The following SH3D21 variants were observed in gnomAD, a reference collection of about 807,000 sequenced individuals.
SH3D21 encodes the protein manchette microtubule inner protein 1.
SH3D21 carries 83 observed loss-of-function variants against 82.1 expected under a neutral mutation model. The ratio of observed to expected loss-of-function variants is 1.01; its 90% CI spans 0.85 to 1.21. SH3D21 has a LOEUF of 1.21. SH3D21 is among the 50% of genes most tolerant of loss of function. The pLI is 0.00. For synonymous variants in SH3D21, 383 were observed against 387.8 expected (o/e 0.99, Z 0.15); for missense variants, 980 against 962.1 (o/e 1.02, Z -0.25).
chr1:36,308,031 C>T, intron 7 of SH3D21, 68 bp downstream of exon 7: 1 of 1,550,060 alleles, frequency 6.5e-7, no homozygotes, highest in South Asian at 1.2e-5. Flanking sequence ...GGTGGGCCAG[C>T]TAGGCTGATG....
At chr1:36,316,629 A>G (rs1020846206) in intron 10 of SH3D21, among the ~76,000 whole-genome samples, 1 of 152,192 alleles carries the variant, frequency 6.6e-6, no homozygotes, top group Non-Finnish European at 1.5e-5. Flanking sequence ...GCTGTGTGGT[A>G]CTGAGCTTGG....
Position 36,306,926 on chromosome 1 carries a change from G to A in SH3D21, c.226+21G>A, listed in dbSNP as rs1344318563. The A allele has an allele frequency of 1.5e-6, 2 of 1,319,100 alleles. No individual in the cohort carries two copies. Among genetic ancestry groups the A allele is most frequent in the Admixed American group, 2.7e-5 (1 of 36,384 alleles). The allele number at this position is 1,319,100 out of a possible 1,614,324, so 81.7% of individuals were successfully genotyped here. On this transcript the variant is annotated intron_variant, in intron 3 of 15. Coordinates refer to ENST00000453908, the MANE Select transcript of SH3D21 (RefSeq NM_001162530.2). The surrounding 1 kb of genome is among the most constrained non-coding windows in gnomAD (Gnocchi z 4.5). ...CCGAGGTGAGCGCAAGGGCGGGGAC[G>A]GGCGCCGGTGGGCGGGTGCACGGAG...
At position 36,319,331 on chromosome 1, in the gene SH3D21, C is replaced by T; in HGVS notation, c.916+19C>T. 6.4e-7 allele frequency: 1 copy of T among 1,551,622 alleles called. No individual in the cohort carries two copies. Among genetic ancestry groups the T allele is most frequent in the Non-Finnish European group, 8.7e-7 (1 of 1,146,944 alleles). ...GACTCAGGCAAGGGCTGCCTTCCTC[C>T]AGTGCGGGGAGGACTGGAGGACAGG... On this transcript the variant is annotated intron_variant, in intron 12 of 15. Transcript: ENST00000453908.
Position 36,306,614 on chromosome 1 carries a change from C to T in SH3D21, c.21C>T (p.Ala7=), listed in dbSNP as rs768437348. The T allele has an allele frequency of 1.7e-5, 22 of 1,302,604 alleles. No homozygotes were observed. In the African/African-American group the frequency reaches 2.7e-4, roughly 16 times the overall value. The allele number at this position is 1,302,604 out of a possible 1,614,324, so 80.7% of individuals were successfully genotyped here. Reference sequence around the variant, plus strand: ...CGCCCGCAGAAGTCCTCGTCCTGGCCGGATACCGCGCGCAGAAGGAGGACG... The same window carrying T: ...CGCCCGCAGAAGTCCTCGTCCTGGCTGGATACCGCGCGCAGAAGGAGGACG... The part of the protein sequence containing the change: MEVLVL[A]GYRAQKEDEL... The change falls in exon 2 of 16, where the codon GCC becomes GCT. Residue 7 remains alanine (A), a synonymous_variant. Coordinates refer to ENST00000453908, the MANE Select transcript of SH3D21 (RefSeq NM_001162530.2). The surrounding 1 kb of genome is among the most constrained non-coding windows in gnomAD (Gnocchi z 4.5).
At chr1:36,311,797 G>A (rs1046952139) in intron 10 of SH3D21, among the ~76,000 whole-genome samples, 3 of 151,800 alleles carry the variant, frequency 2.0e-5, no homozygotes, top group Non-Finnish European at 4.4e-5. Context: ...GGGCTTAAGC[G>A]ATTCTTTCAC....
At chr1:36,317,965 G>A (rs1231633261) in intron 10 of SH3D21, among the ~76,000 whole-genome samples, 3 of 152,202 alleles carry the variant, frequency 2.0e-5, no homozygotes, top group African/African-American at 7.2e-5. Flanking sequence ...CACAAGTTCA[G>A]TCTGGCTGCT....
At position 36,320,975 on chromosome 1, in the gene SH3D21, G is replaced by A. The variant is rs1275176258; in HGVS notation, c.2196G>A (p.Leu732=). 6.4e-7 allele frequency: 1 copy of A among 1,572,754 alleles called. No individual in the cohort carries two copies. Among genetic ancestry groups the A allele is most frequent in the Non-Finnish European group, 8.6e-7 (1 of 1,159,304 alleles). Residue 732 remains leucine, a synonymous_variant, in exon 15 of 16, where the codon CTG becomes CTA. Transcript: ENST00000453908. ...GCGAGAAGGAGCAGCGCCGGCGGCT[G>A]GAGGTGAGGCGCGGGTCCCGGCGGG... ...LKSEKEQRRR[L]EVQVMQGTQK... is the part of the protein sequence containing the mutation.
In SH3D21 at chr1:36,306,882, G is replaced by A; in HGVS notation, c.203G>A (p.Arg68Lys). The change falls in exon 3 of 16, where the codon AGG becomes AAG. Residue 68 changes from arginine to lysine, a missense_variant. Arg to Lys is a conservative substitution (Grantham distance 26, BLOSUM62 2). Transcript: ENST00000453908. This position sits in a 1 kb window ranked among gnomAD's most constrained non-coding sequence, Gnocchi z 4.5. Reference sequence around the variant, plus strand: ...CTGCGGGGCTCCGGAGAGGCGCGGAGGCCGCGCTGTGCGCGCCGCCGAGGT... The same window carrying A: ...CTGCGGGGCTCCGGAGAGGCGCGGAAGCCGCGCTGTGCGCGCCGCCGAGGT... ...ETLRGSGEAR[R>K]PRCARRRGHP... The A allele has an allele frequency of 1.5e-6, 2 of 1,305,754 alleles. No individual in the cohort carries two copies. 80.9% of individuals were successfully genotyped at this position (1,305,754 alleles called of 1,614,324 possible). A position where few individuals can be genotyped will look rare whatever the true frequency, so the allele number is the denominator to read the frequency against.
chr1:36,310,647 C>A lies in SH3D21; in HGVS notation c.769+1057C>A, dbSNP rs59186823. Among the ~76,000 whole-genome samples the A allele has an allele frequency of 9.3e-3, 1,411 of 151,946 alleles. 25 individuals are homozygous for A. Among genetic ancestry groups the A allele is most frequent in the African/African-American group, 0.032 (1,324 of 41,450 alleles). On this transcript the variant is annotated intron_variant, in intron 10 of 15. Coordinates refer to ENST00000453908, the MANE Select transcript of SH3D21 (RefSeq NM_001162530.2). ...AAAAAAATTAACACCCACGAACACC[C>A]ATGGTATGTCACCTAAACCTAAGGA...
At chr1:36,313,967 A>ATTTTTTTTTTTTTT (rs1207014644) in intron 10 of SH3D21, among the ~76,000 whole-genome samples, 26 of 36,930 alleles carry the variant, frequency 7.0e-4, no homozygotes, top group South Asian at 1.4e-3. Context: ...TGCTGAACAT[A>ATTTTTTTTTTTTTT]TTTTCTTTTT....
chr1:36,321,817 TG>T, downstream of SH3D21: 1 of 1,009,982 alleles, frequency 9.9e-7, no homozygotes, highest in South Asian at 4.3e-5. The surrounding 1 kb of genome is among the most constrained non-coding windows in gnomAD (Gnocchi z 6.1). Context: ...CGCGCGCGCT[TG>T]CTCTGTGTGT....
chr1:36,313,972 C>CTTTTTTTTTTTTTGTTTTTTTTT, intron 10 of SH3D21, among the ~76,000 whole-genome samples: 1 of 36,830 alleles, frequency 2.7e-5, no homozygotes, highest in African/African-American at 7.5e-5. Flanking sequence ...AACATATTTT[C>CTTTTTTTTTTTTTGTTTTTTTTT]TTTTTTTTTT....
Position 36,320,522 on chromosome 1 carries a change from A to T in SH3D21, c.1859A>T (p.Glu620Val), listed in dbSNP as rs1258842547. ...RPLREEVLPK[E>V]GVASKEEVTL... ...CTGAGAGAGGAGGTGCTCCCCAAAG[A>T]GGGAGTGGCTTCCAAAGAGGAGGTG... The change falls in exon 14 of 16, where the codon GAG (glutamate) becomes GTG (valine). Residue 620 changes from glutamate to valine, a missense_variant. By Grantham distance (121) the Glu-to-Val change is moderately radical (BLOSUM62 -2). Transcript: ENST00000453908. 3 of 1,614,168 alleles carry T rather than the reference A, an allele frequency of 1.9e-6. No individual in the cohort carries two copies. The highest frequency in any genetic ancestry group is 1.7e-5 in the Admixed American group (1 of 60,026).
chr1:36,314,181 T>TA (rs897123347), intron 10 of SH3D21, among the ~76,000 whole-genome samples: 2 of 151,016 alleles, frequency 1.3e-5, no homozygotes, highest in African/African-American at 4.9e-5. Flanking sequence ...TTCACTGTGT[T>TA]AGCCAGGATG....
At chr1:36,308,534 G>T (rs1646176834) in intron 9 of SH3D21, 59 bp downstream of exon 9, 13 of 1,425,570 alleles carry the variant, frequency 9.1e-6, no homozygotes, top group Non-Finnish European at 1.1e-5. Context: ...ACAAAGGTGG[G>T]GATCATGGGC....
downstream of SH3D21, chr1:36,322,511 C>G (rs1646482908): frequency 6.2e-7 from 1 of 1,601,584 alleles, no homozygotes; most frequent in Admixed American, 1.7e-5. Context: ...GGCCCGGCAG[C>G]GTGTCGTCGG....
In SH3D21 at chr1:36,319,077, TTAAGGAACC is replaced by T. The variant is rs1328636479; in HGVS notation, c.777_785del (p.Glu261_Lys263del). 6.5e-7 allele frequency: 1 copy of T among 1,545,268 alleles called. No homozygotes were observed. Among genetic ancestry groups the T allele is most frequent in the Admixed American group, 2.0e-5 (1 of 50,964 alleles). On this transcript the variant is annotated inframe_deletion, in exon 11 of 16. Coordinates refer to ENST00000453908, the MANE Select transcript of SH3D21 (RefSeq NM_001162530.2). ...TCCACTCCTCTCTTCCCAGCTCCTA[TTAAGGAACC>T]AAAAAAGTTGATGCCCAAAACATCC...
chr1:36,309,665 A>T, intron 10 of SH3D21, 75 bp downstream of exon 10: 1 of 1,511,876 alleles, frequency 6.6e-7, no homozygotes, highest in Non-Finnish European at 9.0e-7. Flanking sequence ...ATAAACACCC[A>T]CAGCACCCCA....
chr1:36,329,875 C>T (rs553554493), downstream of SH3D21, among the ~76,000 whole-genome samples: 29 of 152,174 alleles, frequency 1.9e-4, no homozygotes, highest in Middle Eastern at 0.014. Flanking sequence ...AGGGTCACCC[C>T]GACCAGTTCC....
Sources: allele counts gnomAD v4.1 joint callset (sites outside exome capture counted in the v4.1 genomes callset), GRCh38; gene constraint gnomAD v4.1.1; non-coding constraint Gnocchi (gnomAD v3.1); transcripts MANE v1.5; gene names NCBI Gene and HGNC (gene_info 2026-07-23, HGNC 2026-07-21).